DPRX: variants seen among roughly 807,000 people sequenced by gnomAD.
DPRX encodes divergent-paired related homeobox.
In DPRX, 11 loss-of-function variants were observed where a neutral mutation model predicts 8.4. The ratio of observed to expected loss-of-function variants is 1.31; its 90% CI spans 0.82 to 2.17. The LOEUF is 2.17. DPRX is among the 30% of genes most tolerant of loss of function. The probability of loss-of-function intolerance (pLI) is 0.00; values close to 1 mark genes in which losing one functional copy is unlikely to be tolerated. For synonymous variants in DPRX, 72 were observed against 87.0 expected (o/e 0.83, Z 0.96); for missense variants, 211 against 236.7 (o/e 0.89, Z 0.71).
At chr19:53,634,169 G>A (rs149618489) in intron 1 of DPRX, among the ~76,000 whole-genome samples, 229 of 151,812 alleles carry the variant, frequency 1.5e-3, no homozygotes, top group Admixed American at 2.2e-3. Flanking sequence ...AGTGGCTCAC[G>A]CATGTAATCC....
At chr19:53,601,535 G>A in the DPRX span, among the ~76,000 whole-genome samples, 1 of 148,832 alleles carries the variant, frequency 6.7e-6, no homozygotes, top group East Asian at 2.0e-4. Context: ...AGGCTGGAGT[G>A]CAGTGGCGCG....
chr19:53,621,927 G>A, the DPRX span, among the ~76,000 whole-genome samples: 1 of 152,006 alleles, frequency 6.6e-6, no homozygotes. Context: ...TGTTATGTGG[G>A]CCCCAAACCA....
chr19:53,618,917 G>A, the DPRX span, among the ~76,000 whole-genome samples: 3 of 151,956 alleles, frequency 2.0e-5, no homozygotes, highest in Admixed American at 2.0e-4. Context: ...CCTGACCTCA[G>A]GTGATCCACC....
chr19:53,631,431 G>A (rs1374445579), upstream of DPRX, among the ~76,000 whole-genome samples: 1 of 152,062 alleles, frequency 6.6e-6, no homozygotes, highest in Non-Finnish European at 1.5e-5. Flanking sequence ...TTTAAACCTG[G>A]ACTTCATTAT....
intron 1 of DPRX, among the ~76,000 whole-genome samples, chr19:53,633,307 T>A (rs1375513785): frequency 6.6e-6 from 1 of 152,084 alleles, no homozygotes; most frequent in Admixed American, 6.6e-5. Flanking sequence ...AAAGGTGACA[T>A]CCGTGACAGC....
intron 1 of DPRX, 106 bp from the exon 2 acceptor site, chr19:53,634,425 A>G: frequency 2.1e-6 from 3 of 1,406,570 alleles, no homozygotes; most frequent in African/African-American, 1.4e-5. Context: ...AACCTCAGTC[A>G]CTTGATCATC....
the DPRX span, chr19:53,606,800 C>CGGTGAGGGTG: frequency 6.6e-6 from 1 of 152,238 alleles, no homozygotes; most frequent in African/African-American, 2.4e-5. The surrounding 1 kb of genome is among the most constrained non-coding windows in gnomAD (Gnocchi z 4.8). Context: ...ACGCACTGGG[C>CGGTGAGGGTG]CAGGAAAATG....
At chr19:53,618,543 G>T in the DPRX span, among the ~76,000 whole-genome samples, 3 of 151,110 alleles carry the variant, frequency 2.0e-5, no homozygotes, top group Non-Finnish European at 4.4e-5. Context: ...TGCCAAGGTG[G>T]GTGGATCGCT....
rs541785641 is a variant in DPRX, at chr19:53,632,253, C to T, written c.28+119C>T. On this transcript the variant is annotated intron_variant, in intron 1 of 2. Transcript: ENST00000376650. Reference sequence around the variant, plus strand: ...GCTGGTGCTTCGTCCACGTGGGTGGCAGGGACTTCCCACAGAGGCTGTCAT... The same window carrying T: ...GCTGGTGCTTCGTCCACGTGGGTGGTAGGGACTTCCCACAGAGGCTGTCAT... 6.0e-5 allele frequency: 76 copies of T among 1,259,090 alleles called. 2 individuals carry two copies. In the South Asian group the frequency reaches 8.7e-4, roughly 14 times the overall value. The allele number at this position is 1,259,090 out of a possible 1,614,324, so 78.0% of individuals were successfully genotyped here.
chr19:53,602,183 G>A, the DPRX span: 2 of 453,118 alleles, frequency 4.4e-6, no homozygotes, highest in Non-Finnish European at 8.9e-6. Flanking sequence ...GGTCAAGGTT[G>A]GGGAGAACAG....
the DPRX span, among the ~76,000 whole-genome samples, chr19:53,618,120 G>A: frequency 2.1e-5 from 3 of 145,122 alleles, no homozygotes; most frequent in Non-Finnish European, 3.0e-5. Context: ...TCCAGCCTGG[G>A]CGACAGAGCG....
At chr19:53,605,338 G>A in the DPRX span, among the ~76,000 whole-genome samples, 4 of 149,548 alleles carry the variant, frequency 2.7e-5, no homozygotes, top group East Asian at 4.0e-4. Context: ...TCAGCCTCCC[G>A]AGTAGCTGGG....
chr19:53,603,747 T>A, the DPRX span, among the ~76,000 whole-genome samples: 1 of 128,768 alleles, frequency 7.8e-6, no homozygotes, highest in African/African-American at 2.9e-5. Context: ...CTTTTCTTTC[T>A]TTTTTTTTTT....
the DPRX span, chr19:53,617,179 C>T: frequency 8.7e-5 from 89 of 1,019,524 alleles, no homozygotes; most frequent in East Asian, 1.0e-3. Flanking sequence ...TCGTTGGATT[C>T]GTCTGTGTCC....
At chr19:53,601,124 C>T in the DPRX span, 1 of 390,704 alleles carries the variant, frequency 2.6e-6, no homozygotes, top group Non-Finnish European at 5.2e-6. Context: ...TCAAGCGATG[C>T]TCCTGCCTTC....
At chr19:53,623,608 A>G in the DPRX span, among the ~76,000 whole-genome samples, 2 of 151,810 alleles carry the variant, frequency 1.3e-5, no homozygotes, top group Admixed American at 6.6e-5. Flanking sequence ...ATTGCACTCC[A>G]ACCTGGGCAA....
chr19:53,608,636 C>T, the DPRX span, among the ~76,000 whole-genome samples: 1 of 152,140 alleles, frequency 6.6e-6, no homozygotes, highest in South Asian at 2.1e-4. Context: ...GTACTAAATG[C>T]CACTGAACTG....
At chr19:53,625,643 C>CTT in the DPRX span, among the ~76,000 whole-genome samples, 308 of 145,288 alleles carry the variant, frequency 2.1e-3, 3 homozygotes, top group African/African-American at 7.4e-3. Flanking sequence ...CTCATAATTC[C>CTT]TTTTTTTTTT....
At chr19:53,610,968 T>A in the DPRX span, among the ~76,000 whole-genome samples, 1 of 151,598 alleles carries the variant, frequency 6.6e-6, no homozygotes, top group South Asian at 2.1e-4. Context: ...AGTGGGACCA[T>A]CTCGGCTCAA....
Sources: allele counts gnomAD v4.1 joint callset (sites outside exome capture counted in the v4.1 genomes callset), GRCh38; gene constraint gnomAD v4.1.1; non-coding constraint Gnocchi (gnomAD v3.1); transcripts MANE v1.5; gene names NCBI Gene and HGNC (gene_info 2026-07-23, HGNC 2026-07-21).